CHRNA7: variants seen among roughly 807,000 people sequenced by gnomAD.
The protein encoded by CHRNA7 is neuronal acetylcholine receptor subunit alpha-7.
Under a neutral mutation model 48.0 loss-of-function variants are expected in CHRNA7, and 17 were observed. The ratio of observed to expected loss-of-function variants is 0.35; its 90% CI spans 0.24 to 0.53. The LOEUF (loss-of-function observed/expected upper bound fraction) is 0.53. CHRNA7 is among the 20% of genes least tolerant of loss of function. CHRNA7 has a pLI of 0.92. For missense variants in CHRNA7, 155 were observed against 577.7 expected, an observed-to-expected ratio of 0.27 and a Z score of 7.50; for synonymous variants, 75 against 242.3, an observed-to-expected ratio of 0.31 and a Z score of 6.41.
At chr15:32,112,912 T>G (rs576618447) in intron 4 of CHRNA7, among the ~76,000 whole-genome samples, 1 of 152,356 alleles carries the variant, frequency 6.6e-6, no homozygotes, top group South Asian at 2.1e-4. Context: ...AAGAGTATCC[T>G]CTTCTCATTT....
At chr15:32,091,744 C>T (rs2050385895) in intron 2 of CHRNA7, among the ~76,000 whole-genome samples, 1 of 152,142 alleles carries the variant, frequency 6.6e-6, no homozygotes, top group Non-Finnish European at 1.5e-5. Context: ...TAACACTGGC[C>T]ACTGGTCTCC....
At chr15:32,064,906 G>A (rs1476772442) in intron 2 of CHRNA7, among the ~76,000 whole-genome samples, 2 of 152,112 alleles carry the variant, frequency 1.3e-5, no homozygotes, top group African/African-American at 4.8e-5. Context: ...CTTGTGCATT[G>A]TGGTTCTTAA....
At chr15:32,108,814 T>C (rs2050715022) in intron 3 of CHRNA7, among the ~76,000 whole-genome samples, 1 of 152,242 alleles carries the variant, frequency 6.6e-6, no homozygotes, top group Admixed American at 6.5e-5. Context: ...TTTAATCTGC[T>C]GCTGCACACA....
At chr15:32,048,636 AT>A (rs2049602096) in intron 2 of CHRNA7, among the ~76,000 whole-genome samples, 1 of 151,502 alleles carries the variant, frequency 6.6e-6, no homozygotes, top group Admixed American at 6.6e-5. Context: ...GGATTCATTA[AT>A]TTTTTGAAGG....
chr15:32,090,664 T>C (rs2141245385), intron 2 of CHRNA7, among the ~76,000 whole-genome samples: 1 of 152,244 alleles, frequency 6.6e-6, no homozygotes, highest in Non-Finnish European at 1.5e-5. Context: ...ATTCATTTTT[T>C]TTTTTCTGTT....
At chr15:32,134,533 G>A (rs1012122734) in intron 4 of CHRNA7, among the ~76,000 whole-genome samples, 37 of 152,150 alleles carry the variant, frequency 2.4e-4, no homozygotes, top group African/African-American at 8.7e-4. Flanking sequence ...GATGAAAACT[G>A]TATGAGGAAT....
At chr15:32,055,905 G>A (rs1261791677) in intron 2 of CHRNA7, among the ~76,000 whole-genome samples, 1 of 152,012 alleles carries the variant, frequency 6.6e-6, no homozygotes, top group Non-Finnish European at 1.5e-5. Flanking sequence ...CGTGAACCCG[G>A]GAGGCGGAGC....
In CHRNA7 at chr15:32,139,347, C is replaced by T. The variant is rs79250599; in HGVS notation, c.351-14560C>T. ...ATATGTATGTAGGTTTCTGTGTGAA[C>T]ACACGTTTTCTGCTCCTTTGGATAA... On this transcript the variant is annotated intron_variant, in intron 4 of 9. Transcript: ENST00000306901. Among the ~76,000 whole-genome samples the T allele has an allele frequency of 5.8e-3, 880 of 152,324 alleles. 13 individuals are homozygous for T. The highest frequency in any genetic ancestry group is 0.02 in the African/African-American group (844 of 41,554).
intron 4 of CHRNA7, among the ~76,000 whole-genome samples, chr15:32,119,404 G>T (rs1463484843): frequency 1.3e-5 from 2 of 152,322 alleles, no homozygotes; most frequent in East Asian, 3.9e-4. Flanking sequence ...TCCATCAATT[G>T]CCCTGAGGCG....
intron 4 of CHRNA7, among the ~76,000 whole-genome samples, chr15:32,124,806 T>A (rs2051036443): frequency 1.3e-5 from 2 of 152,286 alleles, no homozygotes; most frequent in South Asian, 4.2e-4. Flanking sequence ...TGGAGTTTCA[T>A]GAATGGGATT....
chr15:32,058,196 C>T (rs185834285), intron 2 of CHRNA7, among the ~76,000 whole-genome samples: 1 of 152,174 alleles, frequency 6.6e-6, no homozygotes, highest in Admixed American at 6.5e-5. Context: ...TGCCTCCTTT[C>T]CCTCTGAAAC....
intron 2 of CHRNA7, among the ~76,000 whole-genome samples, chr15:32,086,404 A>G (rs1005628680): frequency 6.8e-6 from 1 of 146,226 alleles, no homozygotes; most frequent in Non-Finnish European, 1.5e-5. Flanking sequence ...AAACACTTTT[A>G]TTTTTCAAGT....
intron 2 of CHRNA7, among the ~76,000 whole-genome samples, chr15:32,044,334 A>G (rs1288082602): frequency 1.3e-5 from 2 of 148,956 alleles, no homozygotes; most frequent in Admixed American, 6.8e-5. Flanking sequence ...TTGGAGTGCA[A>G]TGGCACGATC....
chr15:32,134,090 T>G (rs919326704), intron 4 of CHRNA7, among the ~76,000 whole-genome samples: 2 of 146,544 alleles, frequency 1.4e-5, no homozygotes, highest in Non-Finnish European at 2.9e-5. Flanking sequence ...TCTGCCCCTT[T>G]CTCTCCTGCG....
In CHRNA7 at chr15:32,082,175, C is replaced by T. The variant is rs544584968; in HGVS notation, c.196-19128C>T. ...TTTTAGAAATTTGACTGTGATGTGT[C>T]GTGGTGGAGATTTCTTTGGATTTAT... On this transcript the variant is annotated intron_variant, in intron 2 of 9. Transcript: ENST00000306901. Among the ~76,000 whole-genome samples, 3 of 151,996 alleles carry T rather than the reference C, an allele frequency of 2.0e-5. No homozygotes were observed. The South Asian group carries it at 6.2e-4, about 32-fold the overall frequency.
chr15:32,084,800 C>G (rs1159623665), intron 2 of CHRNA7, among the ~76,000 whole-genome samples: 1 of 151,690 alleles, frequency 6.6e-6, no homozygotes, highest in Non-Finnish European at 1.5e-5. Context: ...ACGGCCTGCA[C>G]TCATACCTAT....
chr15:32,113,145 T>C (rs934968348), intron 4 of CHRNA7, among the ~76,000 whole-genome samples: 16 of 152,170 alleles, frequency 1.1e-4, no homozygotes, highest in African/African-American at 3.9e-4. Context: ...CCTGTCACAA[T>C]TGTGGAGGCC....
chr15:32,112,293 A>G (rs986078370), intron 4 of CHRNA7: 5 of 460,992 alleles, frequency 1.1e-5, no homozygotes, highest in Admixed American at 9.4e-5. Flanking sequence ...TGGAGCCCAC[A>G]GTTTGGACCC....
intron 2 of CHRNA7, among the ~76,000 whole-genome samples, chr15:32,094,927 C>T (rs935180631): frequency 5.3e-5 from 8 of 152,226 alleles, no homozygotes; most frequent in Non-Finnish European, 1.2e-4. Flanking sequence ...GAATTACAGG[C>T]GTGAGCCACC....
Sources: gnomAD v4.1 joint callset for allele counts (sites outside exome capture counted in the v4.1 genomes callset) on GRCh38, gnomAD v4.1.1 for gene constraint, MANE v1.5 for transcripts, NCBI Gene and HGNC (gene_info 2026-07-23, HGNC 2026-07-21) for gene names.